The following GOPC variants were observed in gnomAD, a reference collection of about 807,000 sequenced individuals.
GOPC encodes golgi associated PDZ and coiled-coil motif containing.
A neutral mutation model predicts 51.2 loss-of-function variants in GOPC; 32 were observed. That is an observed-to-expected ratio of 0.63 (90% CI 0.47 to 0.84). The LOEUF is 0.84. GOPC is among the 40% of genes least tolerant of loss of function. GOPC has a pLI of 0.00. For missense variants in GOPC, 441 were observed against 555.5 expected, an observed-to-expected ratio of 0.79 and a Z score of 2.07; for synonymous variants, 190 against 205.1, an observed-to-expected ratio of 0.93 and a Z score of 0.63.
chr6:117,570,719 C>G (rs1323404941), intron 6 of GOPC, 141 bp downstream of exon 6: 2 of 406,358 alleles, frequency 4.9e-6, no homozygotes. Context: ...TACACAAAAG[C>G]AAACATTTAT....
At chr6:117,601,896 C>T (rs1772019567) in intron 1 of GOPC, 108 bp downstream of exon 1, 7 of 1,237,862 alleles carry the variant, frequency 5.7e-6, no homozygotes, top group Non-Finnish European at 7.8e-6. Context: ...ACATTTGAAG[C>T]CCCGGTGGGC....
intron 4 of GOPC, 112 bp from the exon 5 acceptor site, chr6:117,573,744 A>C: frequency 1.2e-5 from 10 of 828,442 alleles, no homozygotes; most frequent in Non-Finnish European, 1.9e-5. Context: ...TTAGTGATAA[A>C]ACTAATACTC....
rs1259898524 is a variant in GOPC at position 117,561,430 on chromosome 6, G to T, written c.*1824C>A. The T allele has an allele frequency of 4.5e-6, 1 of 223,198 alleles. No individual in the cohort carries two copies. The highest frequency in any genetic ancestry group is 9.0e-6 in the Non-Finnish European group (1 of 111,694). 13.8% of individuals were successfully genotyped at this position (223,198 alleles called of 1,614,324 possible). On this transcript the variant is annotated 3_prime_UTR_variant, in exon 9 of 9. Transcript: ENST00000368498. The stretch of plus-strand genomic sequence containing the variant: ...TGTTTTAAGAAGATAAGAATAACAT[G>T]GTTTCATGTCACAGCAAAAAGGTTT...
chr6:117,582,158 T>G (rs962485230), intron 1 of GOPC, among the ~76,000 whole-genome samples: 4 of 151,946 alleles, frequency 2.6e-5, no homozygotes, highest in Non-Finnish European at 5.9e-5. Flanking sequence ...TTTTGTGAAG[T>G]ACCTGTGTTA....
At chr6:117,569,531 C>T in intron 7 of GOPC, 41 bp downstream of exon 7, 1 of 1,603,988 alleles carries the variant, frequency 6.2e-7, no homozygotes, top group Non-Finnish European at 8.5e-7. Context: ...GATTCATAAC[C>T]AATTGATAGA....
chr6:117,580,816 A>C (rs150806734), intron 1 of GOPC, among the ~76,000 whole-genome samples: 16 of 152,166 alleles, frequency 1.1e-4, no homozygotes, highest in African/African-American at 3.1e-4. Flanking sequence ...AGCTTATCAA[A>C]TGACATGTTA....
At chr6:117,577,565 G>A (rs889842074) in intron 2 of GOPC, 94 bp from the exon 3 acceptor site, 2 of 944,910 alleles carry the variant, frequency 2.1e-6, no homozygotes, top group Non-Finnish European at 3.2e-6. Flanking sequence ...AATCCCACAT[G>A]TTGGATATCA....
intron 1 of GOPC, among the ~76,000 whole-genome samples, chr6:117,592,731 T>G (rs1381986056): frequency 6.6e-6 from 1 of 152,184 alleles, no homozygotes; most frequent in Admixed American, 6.5e-5. Context: ...AAGGTCACAT[T>G]CTGAGGTTTT....
intron 3 of GOPC, 96 bp from the exon 4 acceptor site, chr6:117,575,448 A>G (rs890226374): frequency 1.1e-6 from 1 of 891,128 alleles, no homozygotes. Context: ...ACAGTTCAAC[A>G]ATGTATCATC....
intron 1 of GOPC, among the ~76,000 whole-genome samples, chr6:117,588,525 C>A (rs1400019955): frequency 6.6e-6 from 1 of 152,116 alleles, no homozygotes; most frequent in African/African-American, 2.4e-5. Context: ...ATCTGCCCGC[C>A]TCAGCCTCCC....
At chr6:117,575,503 T>G in intron 3 of GOPC, 151 bp from the exon 4 acceptor site, 1 of 777,238 alleles carries the variant, frequency 1.3e-6, no homozygotes, top group Non-Finnish European at 2.3e-6. Context: ...TCTTTTGAAC[T>G]AGTACCATAA....
At chr6:117,585,848 C>T (rs1049923308) in intron 1 of GOPC, among the ~76,000 whole-genome samples, 1 of 152,162 alleles carries the variant, frequency 6.6e-6, no homozygotes. Context: ...CAAACAGGAA[C>T]AGATGCAGGT....
chr6:117,582,476 ATGT>A (rs1779974500), intron 1 of GOPC, among the ~76,000 whole-genome samples: 1 of 151,238 alleles, frequency 6.6e-6, no homozygotes, highest in African/African-American at 2.4e-5. Flanking sequence ...TACCAATCAA[ATGT>A]TGTTTTTTCT....
At chr6:117,592,164 C>T (rs1275660095) in intron 1 of GOPC, among the ~76,000 whole-genome samples, 3 of 152,078 alleles carry the variant, frequency 2.0e-5, no homozygotes, top group Non-Finnish European at 2.9e-5. Context: ...GTCAGGAGTT[C>T]GAGACGAACC....
intron 1 of GOPC, among the ~76,000 whole-genome samples, chr6:117,582,926 C>T (rs1217587110): frequency 6.6e-6 from 1 of 151,830 alleles, no homozygotes; most frequent in Non-Finnish European, 1.5e-5. Flanking sequence ...GCAGCTGCCC[C>T]CAAAAAGGCA....
rs1771977434 is a variant in GOPC at position 117,600,433 on chromosome 6, C to T, written c.285+1571G>A. Among the ~76,000 whole-genome samples, 3 of 152,088 alleles carry T rather than the reference C, an allele frequency of 2.0e-5. No homozygotes were observed. The South Asian group carries it at 6.2e-4, about 32-fold the overall frequency. The stretch of plus-strand genomic sequence containing the variant: ...ACTGTCACATTGAGGATTAAGTTTC[C>T]CATACACGAAATTTGGGGGACACAT... On this transcript the variant is annotated intron_variant, in intron 1 of 8. Transcript: ENST00000368498.
Position 117,561,028 on chromosome 6 carries a change from T to A in GOPC, c.*2226A>T. Reference sequence around the variant, plus strand: ...ATACATTCTAAAATGAACTTTTAACTAGTTACTTTCTAACACCGGACAGGA... The same window carrying A: ...ATACATTCTAAAATGAACTTTTAACAAGTTACTTTCTAACACCGGACAGGA... On this transcript the variant is annotated 3_prime_UTR_variant, in exon 9 of 9. Transcript: ENST00000368498. 1 of 219,340 alleles carries A rather than the reference T, an allele frequency of 4.6e-6. No homozygotes were observed. The highest frequency in any genetic ancestry group is 9.2e-6 in the Non-Finnish European group (1 of 109,238). 13.6% of individuals were successfully genotyped at this position (219,340 alleles called of 1,614,324 possible). A position where few individuals can be genotyped will look rare whatever the true frequency, so the allele number is the denominator to read the frequency against.
At chr6:117,601,655 G>C (rs771636902) in intron 1 of GOPC, among the ~76,000 whole-genome samples, 1 of 152,338 alleles carries the variant, frequency 6.6e-6, no homozygotes, top group South Asian at 2.1e-4. Context: ...TGTGAAAGCA[G>C]ATCTGCAAAA....
intron 1 of GOPC, among the ~76,000 whole-genome samples, chr6:117,594,429 T>A (rs1288944940): frequency 6.6e-6 from 1 of 152,204 alleles, no homozygotes; most frequent in Non-Finnish European, 1.5e-5. Flanking sequence ...TATGTACCTT[T>A]CATAGTATTC....
Sources: allele counts gnomAD v4.1 joint callset (sites outside exome capture counted in the v4.1 genomes callset), GRCh38; gene constraint gnomAD v4.1.1; transcripts MANE v1.5; gene names NCBI Gene and HGNC (gene_info 2026-07-23, HGNC 2026-07-21).